Variants in CBLN2 observed in about 807,000 individuals in gnomAD.
The protein encoded by CBLN2 is cerebellin-2.
A neutral mutation model predicts 15.0 loss-of-function variants in CBLN2; 7 were observed. The observed-to-expected ratio is 0.47, with a 90% CI of 0.27 to 0.88. The LOEUF is 0.88. CBLN2 is among the 40% of genes least tolerant of loss of function. The pLI, the probability that CBLN2 is intolerant of heterozygous loss-of-function variation, is 0.14. For synonymous variants in CBLN2, 149 were observed against 135.2 expected, an observed-to-expected ratio of 1.10 and a Z score of -0.71; for missense variants, 242 against 304.5, an observed-to-expected ratio of 0.79 and a Z score of 1.53.
chr18:72,557,730 G>A (rs774615229), intron 1 of CBLN2, among the ~76,000 whole-genome samples: 2 of 152,100 alleles, frequency 1.3e-5, no homozygotes, highest in Non-Finnish European at 2.9e-5. Flanking sequence ...CAGGGAGGGG[G>A]AAGAATACAT....
intron 1 of CBLN2, among the ~76,000 whole-genome samples, chr18:72,606,381 G>T (rs2144948664): frequency 6.6e-6 from 1 of 152,240 alleles, no homozygotes; most frequent in Non-Finnish European, 1.5e-5. Flanking sequence ...TCCTGTATAA[G>T]AATCTGTATG....
chr18:72,567,879 A>G (rs2069306184), intron 1 of CBLN2, among the ~76,000 whole-genome samples: 1 of 152,178 alleles, frequency 6.6e-6, no homozygotes, highest in African/African-American at 2.4e-5. Flanking sequence ...CATTGCATTT[A>G]TATTTATCTA....
Position 72,543,628 on chromosome 18 carries a change from C to A in CBLN2, c.-211-98G>T. The A allele has an allele frequency of 2.6e-6, 1 of 388,006 alleles. No individual in the cohort carries two copies. Among genetic ancestry groups the A allele is most frequent in the South Asian group, 1.4e-4 (1 of 7,152 alleles). 24.0% of individuals were successfully genotyped at this position (388,006 alleles called of 1,614,324 possible). A position where few individuals can be genotyped will look rare whatever the true frequency, so the allele number is the denominator to read the frequency against. ...TGGCCAATAACCGCGCCGCCCCGCCCTGCCGCTTTCCCGCGCCAGCCTGCG... is the reference window on the plus strand; with the variant it reads ...TGGCCAATAACCGCGCCGCCCCGCCATGCCGCTTTCCCGCGCCAGCCTGCG... On this transcript the variant is annotated intron_variant, in intron 1 of 4. Coordinates refer to ENST00000269503, the MANE Select transcript of CBLN2 (RefSeq NM_182511.4). This position sits in a 1 kb window ranked among gnomAD's most constrained non-coding sequence, Gnocchi z 6.8.
intron 1 of CBLN2, among the ~76,000 whole-genome samples, chr18:72,635,878 G>A (rs1416817530): frequency 6.6e-6 from 1 of 151,824 alleles, no homozygotes; most frequent in East Asian, 1.9e-4. Context: ...ACATCAATGG[G>A]GAAGCAAAAA....
intron 1 of CBLN2, among the ~76,000 whole-genome samples, chr18:72,635,286 A>G (rs1357764893): frequency 6.6e-6 from 1 of 152,176 alleles, no homozygotes; most frequent in Non-Finnish European, 1.5e-5. Context: ...TCGACAATGT[A>G]CTGAGCATCT....
At chr18:72,574,702 A>C (rs567650210) in intron 1 of CBLN2, among the ~76,000 whole-genome samples, 290 of 152,298 alleles carry the variant, frequency 1.9e-3, no homozygotes, top group African/African-American at 6.7e-3. Flanking sequence ...TAAAGGCTTA[A>C]TTTTCTCAGT....
chr18:72,566,838 T>C (rs1375600418), intron 1 of CBLN2, among the ~76,000 whole-genome samples: 1 of 152,108 alleles, frequency 6.6e-6, no homozygotes, highest in East Asian at 1.9e-4. Flanking sequence ...TTATTATTAT[T>C]ATTACTTTAA....
At chr18:72,618,023 C>T (rs866685823) in intron 1 of CBLN2, among the ~76,000 whole-genome samples, 24 of 151,858 alleles carry the variant, frequency 1.6e-4, no homozygotes, top group Middle Eastern at 3.2e-3. Flanking sequence ...ATGGTTAAAC[C>T]GGTTAAGGTT....
intron 1 of CBLN2, among the ~76,000 whole-genome samples, chr18:72,601,020 G>T (rs1002414477): frequency 6.6e-6 from 1 of 152,128 alleles, no homozygotes; most frequent in Non-Finnish European, 1.5e-5. Flanking sequence ...GAGTAAACGG[G>T]GAAGTCACGT....
At chr18:72,555,644 A>C (rs2069222563) in intron 1 of CBLN2, among the ~76,000 whole-genome samples, 1 of 152,200 alleles carries the variant, frequency 6.6e-6, no homozygotes, top group African/African-American at 2.4e-5. Flanking sequence ...AATGTACTTT[A>C]TGTTCAAATC....
rs2069633689 is a variant in CBLN2, at chr18:72,613,140, C to T, written c.15+25185G>A. 3.3e-5 allele frequency among the ~76,000 whole-genome samples: 5 copies of T among 152,194 alleles called. No homozygotes were observed. In the South Asian group the frequency reaches 1.0e-3, roughly 32 times the overall value. On this transcript the variant is annotated intron_variant, in intron 1 of 2. Coordinates refer to the CBLN2 transcript ENST00000581073. ...GACACAGTCATTTTGAATGAGGGCC[C>T]ATCTTACTCCACTATTATCCCATCT...
rs529645138 is a variant in CBLN2, at chr18:72,571,282, A to G, written c.16-32510T>C. ...ACTTAAGGACTATAAAATGATTAAA[A>G]ATTAGTTTTACTAAACGAGAGTGCA... On this transcript the variant is annotated intron_variant, in intron 1 of 2. Coordinates refer to the CBLN2 transcript ENST00000581073. Among the ~76,000 whole-genome samples the G allele has an allele frequency of 1.1e-4, 16 of 152,314 alleles. No individual in the cohort carries two copies. The East Asian group carries it at 3.1e-3, about 29-fold the overall frequency.
intron 1 of CBLN2, among the ~76,000 whole-genome samples, chr18:72,567,532 T>G (rs1379517099): frequency 1.3e-5 from 2 of 152,160 alleles, no homozygotes; most frequent in African/African-American, 2.4e-5. Context: ...GCTGATACCC[T>G]CACACAAACG....
At chr18:72,556,676 G>A (rs1300246652) in intron 1 of CBLN2, among the ~76,000 whole-genome samples, 1 of 152,036 alleles carries the variant, frequency 6.6e-6, no homozygotes, top group East Asian at 1.9e-4. Context: ...TGAGACTACT[G>A]GTTCTAAGAC....
chr18:72,619,716 T>A (rs1041792053), intron 1 of CBLN2, among the ~76,000 whole-genome samples: 1 of 152,196 alleles, frequency 6.6e-6, no homozygotes, highest in Non-Finnish European at 1.5e-5. Context: ...TAAGGGTCAT[T>A]ATGATCATCT....
At chr18:72,605,436 G>A (rs942340283) in intron 1 of CBLN2, among the ~76,000 whole-genome samples, 11 of 152,082 alleles carry the variant, frequency 7.2e-5, no homozygotes, top group African/African-American at 2.2e-4. Flanking sequence ...AGTTTTTTCC[G>A]CTTCTTATAA....
In CBLN2 at chr18:72,543,710, G is replaced by C. The variant is rs1333863435; in HGVS notation, c.-211-180C>G. Among the ~76,000 whole-genome samples the C allele has an allele frequency of 2.0e-5, 3 of 151,718 alleles. No individual in the cohort carries two copies. The highest frequency in any genetic ancestry group is 2.9e-5 in the Non-Finnish European group (2 of 67,912). On this transcript the variant is annotated intron_variant, in intron 1 of 4. Coordinates refer to ENST00000269503, the MANE Select transcript of CBLN2 (RefSeq NM_182511.4). This position sits in a 1 kb window ranked among gnomAD's most constrained non-coding sequence, Gnocchi z 6.8. ...CCGCTTAGGCGCCGCGCCCGGGACC[G>C]GGAACCCCGCGTCTCGCCCGGCTCA...
chr18:72,577,366 G>A (rs1599007588), intron 1 of CBLN2, among the ~76,000 whole-genome samples: 1 of 152,134 alleles, frequency 6.6e-6, no homozygotes, highest in African/African-American at 2.4e-5. Context: ...TCTCACAAGT[G>A]TATCATTTTA....
Position 72,541,939 on chromosome 18 carries a change from C to T in CBLN2, c.222G>A (p.Ala74=). The T allele has an allele frequency of 6.2e-7, 1 of 1,607,812 alleles. No individual in the cohort carries two copies. Among genetic ancestry groups the T allele is most frequent in the Non-Finnish European group, 8.5e-7 (1 of 1,179,468 alleles). Residue 74 remains alanine, a synonymous_variant, in exon 3 of 5, where the codon GCG becomes GCA. Transcript: ENST00000269503. ...CLVVCDSSPS[A]DGAVTSSLGI... Reference sequence around the variant, plus strand: ...CTAGGGAGGAGGTGACGGCGCCGTCCGCCGACGGGCTGGAGTCGCACACCA... The same window carrying T: ...CTAGGGAGGAGGTGACGGCGCCGTCTGCCGACGGGCTGGAGTCGCACACCA...
Sources: allele counts gnomAD v4.1 joint callset (sites outside exome capture counted in the v4.1 genomes callset), GRCh38; gene constraint gnomAD v4.1.1; non-coding constraint Gnocchi (gnomAD v3.1); transcripts MANE v1.5; gene names NCBI Gene and HGNC (gene_info 2026-07-23, HGNC 2026-07-21).